The following ANKRD28 variants were observed in gnomAD, a reference collection of about 807,000 sequenced individuals.
The protein encoded by ANKRD28 is serine/threonine-protein phosphatase 6 regulatory ankyrin repeat subunit A.
Under a neutral mutation model 126.5 loss-of-function variants are expected in ANKRD28, and 44 were observed. The observed-to-expected ratio is 0.35, with a 90% CI of 0.27 to 0.45. The LOEUF (loss-of-function observed/expected upper bound fraction) is 0.45. Ranked by LOEUF, ANKRD28 falls within the 20% of genes least tolerant of loss-of-function variation. The probability of loss-of-function intolerance (pLI) is 1.00; values close to 1 mark genes in which losing one functional copy is unlikely to be tolerated. For missense variants in ANKRD28, 1,110 were observed against 1,316.6 expected (o/e 0.84, Z 2.43); for synonymous variants, 442 against 468.5 (o/e 0.94, Z 0.73).
chr3:15,748,541 G>A (rs2057636563), intron 4 of ANKRD28, among the ~76,000 whole-genome samples: 1 of 152,170 alleles, frequency 6.6e-6, no homozygotes, highest in Admixed American at 6.5e-5. Flanking sequence ...TAGCTTTGTA[G>A]GGCTTCGCTG....
rs144470504 is a variant in ANKRD28 at position 15,700,502 on chromosome 3, G to A, written c.1548-4257C>T. On this transcript the variant is annotated intron_variant, in intron 14 of 27. Transcript: ENST00000683139. Reference sequence around the variant, plus strand: ...TAAAAAACACTATATAGGGCCGGGCGCGGTGGCTCATGCCTGTAATCCCAG... The same window carrying A: ...TAAAAAACACTATATAGGGCCGGGCACGGTGGCTCATGCCTGTAATCCCAG... Among the ~76,000 whole-genome samples, 301 of 151,950 alleles carry A rather than the reference G, an allele frequency of 2.0e-3. 2 individuals carry two copies. Among genetic ancestry groups the A allele is most frequent in the African/African-American group, 7.0e-3 (289 of 41,460 alleles).
At chr3:15,848,792 G>T (rs778806943) in intron 1 of ANKRD28, among the ~76,000 whole-genome samples, 7 of 152,082 alleles carry the variant, frequency 4.6e-5, no homozygotes, top group Non-Finnish European at 1.0e-4. Context: ...ACTTAATGAT[G>T]AAAGATCATG....
At chr3:15,688,689 G>A (rs148781502) in intron 18 of ANKRD28, among the ~76,000 whole-genome samples, 24 of 152,308 alleles carry the variant, frequency 1.6e-4, no homozygotes, top group Non-Finnish European at 2.1e-4. Context: ...ATATTCAAAT[G>A]TATTCTTAAG....
chr3:15,741,936 G>A (rs1459452024), intron 4 of ANKRD28, among the ~76,000 whole-genome samples: 1 of 151,794 alleles, frequency 6.6e-6, no homozygotes, highest in Non-Finnish European at 1.5e-5. Flanking sequence ...ACGGGGTTTC[G>A]CTGTGTTGGC....
intron 1 of ANKRD28, among the ~76,000 whole-genome samples, chr3:15,856,307 G>A (rs2126008397): frequency 6.6e-6 from 1 of 152,264 alleles, no homozygotes; most frequent in South Asian, 2.1e-4. Context: ...ACTACTCCCT[G>A]TTGTCTTCTA....
intron 4 of ANKRD28, among the ~76,000 whole-genome samples, chr3:15,747,876 G>A (rs1047973108): frequency 5.3e-5 from 8 of 152,162 alleles, no homozygotes; most frequent in African/African-American, 1.2e-4. Flanking sequence ...GAGCTCCAGT[G>A]TTAGGAGCAT....
At chr3:15,844,099 A>T (rs1216621169) in intron 1 of ANKRD28, among the ~76,000 whole-genome samples, 3 of 152,198 alleles carry the variant, frequency 2.0e-5, no homozygotes, top group Non-Finnish European at 4.4e-5. Flanking sequence ...GAGACCCTCA[A>T]ATAGCCCAGA....
At chr3:15,825,520 G>C (rs1233051183) in intron 1 of ANKRD28, among the ~76,000 whole-genome samples, 4 of 151,756 alleles carry the variant, frequency 2.6e-5, no homozygotes, top group Non-Finnish European at 4.4e-5. Flanking sequence ...AGGTCATTCA[G>C]AAAACTAAAT....
At chr3:15,751,900 A>G in intron 3 of ANKRD28, 80 bp from the exon 4 acceptor site, 1 of 928,154 alleles carries the variant, frequency 1.1e-6, no homozygotes, top group Non-Finnish European at 1.6e-6. Flanking sequence ...GTAGTTATAT[A>G]TAATCCAAAT....
intron 17 of ANKRD28, among the ~76,000 whole-genome samples, chr3:15,693,131 G>A (rs2069019233): frequency 6.6e-6 from 1 of 152,182 alleles, no homozygotes; most frequent in South Asian, 2.1e-4. Flanking sequence ...AATGGGTACA[G>A]AGTTTTAGTT....
rs1276088336 is a variant in ANKRD28 at position 15,696,171 on chromosome 3, T to C, written c.1622A>G (p.Tyr541Cys). Residue 541 changes from tyrosine to cysteine, a missense_variant, in exon 15 of 28, where the codon TAT becomes TGT. Transcript: ENST00000683139. ...RDKQGYNAVHYSAAYGHRLCL... is the reference protein window; with the variant it reads ...RDKQGYNAVHCSAAYGHRLCL... ...TAGACGGTGACCATAAGCAGCTGAA[T>C]AATGAACTGCGTTGTATCCTTGCTT... The C allele has an allele frequency of 6.3e-7, 1 of 1,593,538 alleles. No individual in the cohort carries two copies. Among genetic ancestry groups the C allele is most frequent in the Non-Finnish European group, 8.6e-7 (1 of 1,168,242 alleles).
chr3:15,694,125 T>G (rs952801568), intron 17 of ANKRD28, among the ~76,000 whole-genome samples: 1 of 152,106 alleles, frequency 6.6e-6, no homozygotes, highest in African/African-American at 2.4e-5. Flanking sequence ...TAGATTAGGA[T>G]CTACTTGAAA....
intron 5 of ANKRD28, 53 bp from the exon 6 acceptor site, chr3:15,735,550 T>C: frequency 7.5e-7 from 1 of 1,338,468 alleles, no homozygotes; most frequent in East Asian, 2.5e-5. Context: ...CAATTGTCTA[T>C]GAATGTACAT....
intron 2 of ANKRD28, 87 bp downstream of exon 2, chr3:15,795,136 T>C (rs971278099): frequency 1.1e-6 from 1 of 944,008 alleles, no homozygotes; most frequent in Non-Finnish European, 1.7e-6. Context: ...AGAGTTATAT[T>C]ATGTCTTGTA....
chr3:15,840,359 TA>T (rs2061402852), intron 1 of ANKRD28, among the ~76,000 whole-genome samples: 4 of 152,068 alleles, frequency 2.6e-5, no homozygotes, highest in Non-Finnish European at 2.9e-5. Flanking sequence ...ATGAAAATTA[TA>T]AAACACTGAT....
intron 2 of ANKRD28, among the ~76,000 whole-genome samples, chr3:15,787,768 T>A (rs2125750048): frequency 6.6e-6 from 1 of 152,336 alleles, no homozygotes; most frequent in South Asian, 2.1e-4. Context: ...AAGATTAGAC[T>A]GCTTCTTGCT....
Position 15,744,664 on chromosome 3 carries a change from T to G in ANKRD28, c.351+7086A>C, listed in dbSNP as rs111617882. ...GTCATTGACTGATGCGTATTTGGGC[T>G]GGTTCCATATTTTTACAATTGCAAA... On this transcript the variant is annotated intron_variant, in intron 4 of 27. Transcript: ENST00000683139. 2.1e-3 allele frequency among the ~76,000 whole-genome samples: 320 copies of G among 152,348 alleles called. 2 individuals carry two copies. Among genetic ancestry groups the G allele is most frequent in the Middle Eastern group, 0.01 (3 of 294 alleles).
At chr3:15,829,643 G>C (rs1366546339) in intron 1 of ANKRD28, among the ~76,000 whole-genome samples, 1 of 152,064 alleles carries the variant, frequency 6.6e-6, no homozygotes, top group East Asian at 1.9e-4. Context: ...CACGTTTCAT[G>C]ATATACAATA....
At chr3:15,828,263 CGAATGA>C in intron 1 of ANKRD28, among the ~76,000 whole-genome samples, 1 of 151,974 alleles carries the variant, frequency 6.6e-6, no homozygotes, top group Non-Finnish European at 1.5e-5. Context: ...TCAAAACAGG[CGAATGA>C]TTATGGAAAA....
Sources: allele counts gnomAD v4.1 joint callset (sites outside exome capture counted in the v4.1 genomes callset), GRCh38; gene constraint gnomAD v4.1.1; transcripts MANE v1.5; gene names NCBI Gene and HGNC (gene_info 2026-07-23, HGNC 2026-07-21).